Variants in KCNA2 observed in about 807,000 individuals in gnomAD.
KCNA2 encodes the protein potassium channel, voltage gated shaker related subfamily A, member 2.
KCNA2 carries 11 observed loss-of-function variants against 33.4 expected under a neutral mutation model. The ratio of observed to expected loss-of-function variants is 0.33; its 90% CI spans 0.21 to 0.55. The LOEUF is 0.55. KCNA2 is among the 20% of genes least tolerant of loss of function. The probability of loss-of-function intolerance (pLI) is 0.93; values close to 1 mark genes in which losing one functional copy is unlikely to be tolerated. For synonymous variants in KCNA2, 222 were observed against 231.3 expected, an observed-to-expected ratio of 0.96 and a Z score of 0.37; for missense variants, 291 against 621.6, an observed-to-expected ratio of 0.47 and a Z score of 5.66.
Position 110,598,012 on chromosome 1 carries a change from AGATATAGAT to A in KCNA2, c.*5262_*5270del, listed in dbSNP as rs1156628312. The A allele has an allele frequency of 1.2e-5, 12 of 985,380 alleles. 1 individual carries two copies. In the East Asian group the frequency reaches 1.4e-3, roughly 112 times the overall value. 61.0% of individuals were successfully genotyped at this position (985,380 alleles called of 1,614,324 possible). ...TGGACTCAACAAGGGCTAAGTCTGA[AGATATAGAT>A]GATGGTCACAATAGCTACTGAGAGA... is the stretch of plus-strand genomic sequence containing the variant. On this transcript the variant is annotated 3_prime_UTR_variant, in exon 3 of 3. Coordinates refer to ENST00000316361, the MANE Select transcript of KCNA2 (RefSeq NM_004974.4).
rs1649991564 is a variant in KCNA2 at position 110,614,610 on chromosome 1, C to G, written c.-495-8888G>C. On this transcript the variant is annotated intron_variant, in intron 1 of 4. Coordinates refer to the KCNA2 transcript ENST00000369770. ...CCAGGTGACCTTGTAAGTCACTTCC[C>G]CTCTTTGGGCCCCAGTTTCTTCATC... is the stretch of plus-strand genomic sequence containing the variant. Among the ~76,000 whole-genome samples the G allele has an allele frequency of 3.9e-5, 6 of 152,310 alleles. No individual in the cohort carries two copies. The South Asian group carries it at 1.2e-3, about 32-fold the overall frequency.
chr1:110,595,677 A>G lies in KCNA2; in HGVS notation c.*7606T>C. The G allele has an allele frequency of 1.0e-6, 1 of 985,462 alleles. No individual in the cohort carries two copies. Among genetic ancestry groups the G allele is most frequent in the African/African-American group, 1.7e-5 (1 of 57,364 alleles). The allele number at this position is 985,462 out of a possible 1,614,324, so 61.0% of individuals were successfully genotyped here. A position where few individuals can be genotyped will look rare whatever the true frequency, so the allele number is the denominator to read the frequency against. ...CAGCTGTTTCTTGAGTGATGTGTAC[A>G]GCTTACCCCCAAAGAGGCAACTGAA... On this transcript the variant is annotated 3_prime_UTR_variant, in exon 3 of 3. Coordinates refer to ENST00000316361, the MANE Select transcript of KCNA2 (RefSeq NM_004974.4).
In KCNA2 at chr1:110,594,687, C is replaced by T; in HGVS notation, c.*8596G>A. The T allele has an allele frequency of 1.0e-6, 1 of 985,362 alleles. No individual in the cohort carries two copies. Among genetic ancestry groups the T allele is most frequent in the Non-Finnish European group, 1.2e-6 (1 of 829,968 alleles). 61.0% of individuals were successfully genotyped at this position (985,362 alleles called of 1,614,324 possible). ...GCACGACAACAAAAGGAAACTGGGT[C>T]GCTGGATCCCACGTGAAGGCAGAAC... is the stretch of plus-strand genomic sequence containing the variant. On this transcript the variant is annotated 3_prime_UTR_variant, in exon 3 of 3. Transcript: ENST00000316361.
Position 110,602,659 on chromosome 1 carries a change from T to A in KCNA2, c.*624A>T. The A allele has an allele frequency of 1.0e-6, 1 of 995,548 alleles. No homozygotes were observed. The highest frequency in any genetic ancestry group is 1.1e-4 in the East Asian group (1 of 9,268). The allele number at this position is 995,548 out of a possible 1,614,324, so 61.7% of individuals were successfully genotyped here. A position where few individuals can be genotyped will look rare whatever the true frequency, so the allele number is the denominator to read the frequency against. Reference sequence around the variant, plus strand: ...ATACTAACTGTCCCTCCCCCGGGCTTCCCTCACATCGACACTGCAGAGAAA... The same window carrying A: ...ATACTAACTGTCCCTCCCCCGGGCTACCCTCACATCGACACTGCAGAGAAA... On this transcript the variant is annotated 3_prime_UTR_variant, in exon 3 of 3. Transcript: ENST00000316361.
intron 1 of KCNA2, among the ~76,000 whole-genome samples, chr1:110,622,627 TAA>T (rs910073436): frequency 3.9e-5 from 6 of 152,250 alleles, no homozygotes; most frequent in Non-Finnish European, 8.8e-5. Context: ...CTAGAATTCA[TAA>T]GTGAGTTTAG....
rs1040376021 is a variant in KCNA2, at chr1:110,615,300, G to A, written c.-495-9578C>T. 3.3e-5 allele frequency among the ~76,000 whole-genome samples: 5 copies of A among 152,272 alleles called. No individual in the cohort carries two copies. In the East Asian group the frequency reaches 7.7e-4, roughly 23 times the overall value. On this transcript the variant is annotated intron_variant, in intron 1 of 4. Coordinates refer to the KCNA2 transcript ENST00000369770. ...ATGAAAGACTAGGTAGAAAACAGTT[G>A]GATAAAAAAACGTGTTTGTTGAATG...
In KCNA2 at chr1:110,600,899, A is replaced by C. The variant is rs950153285; in HGVS notation, c.*2384T>G. On this transcript the variant is annotated 3_prime_UTR_variant, in exon 3 of 3. Transcript: ENST00000316361. ...AGCTGGTGCCCCATGCCCCAAGACA[A>C]CTGTAGGTGCTAACTAGGCAGCAGT... 1.6e-5 allele frequency: 16 copies of C among 985,418 alleles called. No homozygotes were observed. In the African/African-American group the frequency reaches 2.6e-4, roughly 16 times the overall value. The allele number at this position is 985,418 out of a possible 1,614,324, so 61.0% of individuals were successfully genotyped here.
Position 110,599,192 on chromosome 1 carries a change from T to C in KCNA2, c.*4091A>G, listed in dbSNP as rs1408971587. ...GCCTGATCCAAAGCCTGACTGCAAC[T>C]CTTTACTTCCGATGTAGGTGAAGCC... On this transcript the variant is annotated 3_prime_UTR_variant, in exon 3 of 3. Transcript: ENST00000316361. The C allele has an allele frequency of 5.1e-6, 5 of 985,314 alleles. No individual in the cohort carries two copies. The African/African-American group carries it at 7.0e-5, about 14-fold the overall frequency. The allele number at this position is 985,314 out of a possible 1,614,324, so 61.0% of individuals were successfully genotyped here.
In KCNA2 at chr1:110,598,369, T is replaced by C; in HGVS notation, c.*4914A>G. ...AGTGGTGCCACCTTCATATGCAATT[T>C]GCACACTGTTCTATAGTTTCCTTAG... On this transcript the variant is annotated 3_prime_UTR_variant, in exon 3 of 3. Coordinates refer to ENST00000316361, the MANE Select transcript of KCNA2 (RefSeq NM_004974.4). 1 of 985,280 alleles carries C rather than the reference T, an allele frequency of 1.0e-6. No individual in the cohort carries two copies. The highest frequency in any genetic ancestry group is 1.2e-6 in the Non-Finnish European group (1 of 829,792). The allele number at this position is 985,280 out of a possible 1,614,324, so 61.0% of individuals were successfully genotyped here. A position where few individuals can be genotyped will look rare whatever the true frequency, so the allele number is the denominator to read the frequency against.
rs1389271371 is a variant in KCNA2, at chr1:110,596,813, G to C, written c.*6470C>G. 1.0e-6 allele frequency: 1 copy of C among 985,292 alleles called. No individual in the cohort carries two copies. The highest frequency in any genetic ancestry group is 1.2e-6 in the Non-Finnish European group (1 of 829,948). The allele number at this position is 985,292 out of a possible 1,614,324, so 61.0% of individuals were successfully genotyped here. On this transcript the variant is annotated 3_prime_UTR_variant, in exon 3 of 3. Coordinates refer to ENST00000316361, the MANE Select transcript of KCNA2 (RefSeq NM_004974.4). The stretch of plus-strand genomic sequence containing the variant: ...CCTGAGGTTTCCCCATCAGTTAACT[G>C]AGGTTTTGCTGTACATATGTGTATA...
intron 1 of KCNA2, among the ~76,000 whole-genome samples, chr1:110,616,684 G>A (rs991546219): frequency 6.6e-6 from 1 of 152,214 alleles, no homozygotes; most frequent in Non-Finnish European, 1.5e-5. Context: ...AACAAGCTTG[G>A]TGAGGCTGAG....
chr1:110,604,789 G>A lies in KCNA2; in HGVS notation c.-7C>T, dbSNP rs1649525449. On this transcript the variant is annotated 5_prime_UTR_variant, in exon 3 of 3. Coordinates refer to ENST00000316361, the MANE Select transcript of KCNA2 (RefSeq NM_004974.4). The surrounding 1 kb of genome is among the most constrained non-coding windows in gnomAD (Gnocchi z 7.6). ...CTCCGGTGGCCACTGTCATAATTGG[G>A]ACTGAGAGAAGCACCTCACGCTATG... 6.2e-7 allele frequency: 1 copy of A among 1,607,652 alleles called. No homozygotes were observed. The highest frequency in any genetic ancestry group is 8.5e-7 in the Non-Finnish European group (1 of 1,176,642).
Position 110,603,876 on chromosome 1 carries a change from T to C in KCNA2, c.907A>G (p.Arg303Gly). 1 of 1,614,214 alleles carries C rather than the reference T, an allele frequency of 6.2e-7. No homozygotes were observed. ...GAGTGTCTGGACAACTTGAAAATCCTAAAGACTCTTACCAACCGGATGACA... is the reference window on the plus strand; with the variant it reads ...GAGTGTCTGGACAACTTGAAAATCCCAAAGACTCTTACCAACCGGATGACA... ...LRVIRLVRVFRIFKLSRHSKG... is the reference protein window; with the variant it reads ...LRVIRLVRVFGIFKLSRHSKG... Residue 303 changes from arginine to glycine, a missense_variant, in exon 3 of 3, where the codon AGG becomes GGG. Coordinates refer to ENST00000316361, the MANE Select transcript of KCNA2 (RefSeq NM_004974.4). The surrounding 1 kb of genome is among the most constrained non-coding windows in gnomAD (Gnocchi z 5.7).
upstream of KCNA2, among the ~76,000 whole-genome samples, chr1:110,608,722 G>A (rs1400691339): frequency 1.3e-5 from 2 of 152,156 alleles, no homozygotes; most frequent in Non-Finnish European, 2.9e-5. Context: ...GTCAGTGAAC[G>A]GCTTGGGTGT....
At position 110,596,335 on chromosome 1, in the gene KCNA2, CTA is replaced by C. The variant is rs141819879; in HGVS notation, c.*6946_*6947del. 0.018 allele frequency: 5,906 copies of C among 326,962 alleles called. No homozygotes were observed. Among genetic ancestry groups the C allele is most frequent in the Non-Finnish European group, 0.023 (5,363 of 231,358 alleles). The allele number at this position is 326,962 out of a possible 1,614,324, so 20.3% of individuals were successfully genotyped here. On this transcript the variant is annotated 3_prime_UTR_variant, in exon 3 of 3. Coordinates refer to ENST00000316361, the MANE Select transcript of KCNA2 (RefSeq NM_004974.4). ...AAAATAGTATACATATATACATATACTATATATATATATATACACACATAAAT... is the reference window on the plus strand; with the variant it reads ...AAAATAGTATACATATATACATATACTATATATATATATACACACATAAAT...
rs1433981573 is a variant in KCNA2 at position 110,597,903 on chromosome 1, G to A, written c.*5380C>T. 26 of 985,332 alleles carry A rather than the reference G, an allele frequency of 2.6e-5. No individual in the cohort carries two copies. Among genetic ancestry groups the A allele is most frequent in the African/African-American group, 3.5e-5 (2 of 57,242 alleles). 61.0% of individuals were successfully genotyped at this position (985,332 alleles called of 1,614,324 possible). A position where few individuals can be genotyped will look rare whatever the true frequency, so the allele number is the denominator to read the frequency against. Reference sequence around the variant, plus strand: ...AAAAAAGGAAAAGTAAACTAGGTTAGTTTGAGGAAGAGAACCTTCCTGCAT... The same window carrying A: ...AAAAAAGGAAAAGTAAACTAGGTTAATTTGAGGAAGAGAACCTTCCTGCAT... On this transcript the variant is annotated 3_prime_UTR_variant, in exon 3 of 3. Coordinates refer to ENST00000316361, the MANE Select transcript of KCNA2 (RefSeq NM_004974.4).
Position 110,598,262 on chromosome 1 carries a change from T to A in KCNA2, c.*5021A>T, listed in dbSNP as rs1649188167. Reference sequence around the variant, plus strand: ...ATGACAATGGGCCCCAGGAAAGCTCTGGGGAGCAGAGCTCAGCACCATCAT... The same window carrying A: ...ATGACAATGGGCCCCAGGAAAGCTCAGGGGAGCAGAGCTCAGCACCATCAT... On this transcript the variant is annotated 3_prime_UTR_variant, in exon 3 of 3. Transcript: ENST00000316361. 1 of 653,718 alleles carries A rather than the reference T, an allele frequency of 1.5e-6. No homozygotes were observed. Among genetic ancestry groups the A allele is most frequent in the South Asian group, 6.8e-5 (1 of 14,602 alleles). The allele number at this position is 653,718 out of a possible 1,614,324, so 40.5% of individuals were successfully genotyped here. A position where few individuals can be genotyped will look rare whatever the true frequency, so the allele number is the denominator to read the frequency against.
At chr1:110,631,061 C>G (rs1029439225) in intron 1 of KCNA2, among the ~76,000 whole-genome samples, 4 of 152,046 alleles carry the variant, frequency 2.6e-5, no homozygotes, top group Admixed American at 6.5e-5. Context: ...GGGATTGGTC[C>G]CTTCCTTTCC....
At chr1:110,623,699 C>G (rs976854960) in intron 1 of KCNA2, among the ~76,000 whole-genome samples, 2 of 152,170 alleles carry the variant, frequency 1.3e-5, no homozygotes, top group African/African-American at 4.8e-5. Context: ...CTGGCCCTCT[C>G]TGCTCTTCTC....
Sources: gnomAD v4.1 joint callset for allele counts (sites outside exome capture counted in the v4.1 genomes callset) on GRCh38, gnomAD v4.1.1 for gene constraint, Gnocchi (gnomAD v3.1) non-coding constraint, MANE v1.5 for transcripts, NCBI Gene and HGNC (gene_info 2026-07-23, HGNC 2026-07-21) for gene names.